HSF2BP: variants seen among roughly 807,000 people sequenced by gnomAD.
The protein encoded by HSF2BP is heat shock transcription factor 2 binding protein.
A neutral mutation model predicts 35.0 loss-of-function variants in HSF2BP; 35 were observed. The observed-to-expected ratio is 1.00, with a 90% CI of 0.76 to 1.32. HSF2BP has a LOEUF of 1.32. Among genes scored for constraint, HSF2BP ranks in the 40% most tolerant of loss-of-function variants. The probability of loss-of-function intolerance (pLI) is 0.00; values close to 1 mark genes in which losing one functional copy is unlikely to be tolerated. For synonymous variants in HSF2BP, 114 were observed against 117.4 expected (o/e 0.97, Z 0.18); for missense variants, 326 against 321.7 (o/e 1.01, Z -0.10).
chr21:43,574,061 A>G (rs1252856277), intron 8 of HSF2BP, among the ~76,000 whole-genome samples: 3 of 152,156 alleles, frequency 2.0e-5, no homozygotes, highest in Non-Finnish European at 4.4e-5. Flanking sequence ...GCAGCCTTTC[A>G]TGACCAAGAC....
chr21:43,600,827 G>A (rs986488459), intron 7 of HSF2BP, among the ~76,000 whole-genome samples: 1 of 152,224 alleles, frequency 6.6e-6, no homozygotes, highest in African/African-American at 2.4e-5. Context: ...TCAGGGAGGT[G>A]TAACCACAGC....
intron 6 of HSF2BP, among the ~76,000 whole-genome samples, chr21:43,616,691 T>C (rs2082275068): frequency 6.6e-6 from 1 of 152,036 alleles, no homozygotes; most frequent in Admixed American, 6.6e-5. Flanking sequence ...CCCAGCACTT[T>C]GGGAGGCCGA....
At chr21:43,616,944 A>G (rs1447905563) in intron 6 of HSF2BP, among the ~76,000 whole-genome samples, 1 of 151,968 alleles carries the variant, frequency 6.6e-6, no homozygotes, top group Non-Finnish European at 1.5e-5. Context: ...AAAAAAAGAA[A>G]AAAGGAAAAA....
intron 7 of HSF2BP, among the ~76,000 whole-genome samples, chr21:43,601,386 A>G (rs1433670460): frequency 6.6e-6 from 1 of 152,194 alleles, no homozygotes; most frequent in Non-Finnish European, 1.5e-5. Context: ...TACTATGGAG[A>G]GCAAGAATCT....
intron 6 of HSF2BP, 63 bp from the exon 7 acceptor site, chr21:43,614,010 G>T: frequency 2.6e-6 from 3 of 1,163,148 alleles, no homozygotes; most frequent in Non-Finnish European, 3.8e-6. Flanking sequence ...ACAATTTTGT[G>T]CAGAACAGAG....
At chr21:43,637,926 T>C (rs75907183) in intron 4 of HSF2BP, among the ~76,000 whole-genome samples, 4,799 of 152,272 alleles carry the variant, frequency 0.032, 259 homozygotes, top group African/African-American at 0.11. Context: ...CGCTGAAAGA[T>C]TGAATACTTT....
chr21:43,600,090 C>T (rs2082034235), intron 7 of HSF2BP, among the ~76,000 whole-genome samples: 1 of 152,138 alleles, frequency 6.6e-6, no homozygotes, highest in East Asian at 1.9e-4. Flanking sequence ...AACTCATCTT[C>T]GATAAAAAGC....
intron 5 of HSF2BP, among the ~76,000 whole-genome samples, chr21:43,632,343 T>C (rs1313507692): frequency 7.4e-5 from 3 of 40,416 alleles, no homozygotes; most frequent in African/African-American, 1.0e-4. Flanking sequence ...CACACACACA[T>C]GCTCCCATAC....
Position 43,585,296 on chromosome 21 carries a change from CA to C in HSF2BP, c.796+6928del, listed in dbSNP as rs558287699. Among the ~76,000 whole-genome samples, 389 of 152,240 alleles carry C rather than the reference CA, an allele frequency of 2.6e-3. 2 individuals carry two copies. Among genetic ancestry groups the C allele is most frequent in the Non-Finnish European group, 4.3e-3 (291 of 68,024 alleles). On this transcript the variant is annotated intron_variant, in intron 8 of 8. Coordinates refer to ENST00000291560, the MANE Select transcript of HSF2BP (RefSeq NM_007031.2). Reference sequence around the variant, plus strand: ...CTACAGTCCAGCCTAGGTGACACTGCAAGACACTGTATCAAATAAGTAAGTA... The same window carrying C: ...CTACAGTCCAGCCTAGGTGACACTGCAGACACTGTATCAAATAAGTAAGTA...
intron 6 of HSF2BP, among the ~76,000 whole-genome samples, chr21:43,618,506 A>T (rs1210727192): frequency 6.6e-6 from 1 of 152,204 alleles, no homozygotes; most frequent in East Asian, 1.9e-4. Flanking sequence ...AAATCAATGG[A>T]GAAATGATAA....
intron 7 of HSF2BP, among the ~76,000 whole-genome samples, chr21:43,606,685 T>G (rs1438158272): frequency 6.6e-6 from 1 of 152,076 alleles, no homozygotes; most frequent in African/African-American, 2.4e-5. Context: ...CCTAAACATG[T>G]TCAAGTCATT....
At chr21:43,574,036 T>G (rs990381436) in intron 8 of HSF2BP, among the ~76,000 whole-genome samples, 1 of 151,948 alleles carries the variant, frequency 6.6e-6, no homozygotes, top group African/African-American at 2.4e-5. Context: ...CCTCTGTGAG[T>G]GAGCAGGGCC....
At chr21:43,653,228 G>A (rs2082818981) in intron 3 of HSF2BP, among the ~76,000 whole-genome samples, 1 of 119,468 alleles carries the variant, frequency 8.4e-6, no homozygotes, top group South Asian at 3.7e-4. Flanking sequence ...GAAGGGAAGG[G>A]AAGGGGAAGG....
intron 7 of HSF2BP, among the ~76,000 whole-genome samples, chr21:43,609,532 C>T (rs1027150980): frequency 2.0e-5 from 3 of 152,060 alleles, no homozygotes; most frequent in African/African-American, 7.2e-5. Context: ...GACCTTCGAT[C>T]ATGAAAGTGG....
At chr21:43,595,787 C>T (rs2081979531) in intron 7 of HSF2BP, among the ~76,000 whole-genome samples, 1 of 108,342 alleles carries the variant, frequency 9.2e-6, no homozygotes, top group African/African-American at 3.6e-5. Flanking sequence ...TGCAGTGGCG[C>T]CATCTCGGCT....
intron 7 of HSF2BP, 35 bp downstream of exon 7, chr21:43,613,795 A>T: frequency 7.3e-7 from 1 of 1,371,804 alleles, no homozygotes; most frequent in Non-Finnish European, 1.0e-6. Flanking sequence ...ATTAATATGT[A>T]AATAGAATTA....
Position 43,656,657 on chromosome 21 carries a change from C to T in HSF2BP, c.117G>A (p.Arg39=). The stretch of plus-strand genomic sequence containing the variant: ...CATTTAGTATTCTGGGTAAGAAGTC[C>T]CGTATTTGCATCACTTCAGTTGTCA... ...ERLTTEVMQI[R]DFLPRILNGE... Residue 39 remains arginine (R), a synonymous_variant, in exon 3 of 9, where the codon CGG becomes CGA. Coordinates refer to ENST00000291560, the MANE Select transcript of HSF2BP (RefSeq NM_007031.2). 6.2e-7 allele frequency: 1 copy of T among 1,613,928 alleles called. No individual in the cohort carries two copies. The highest frequency in any genetic ancestry group is 8.5e-7 in the Non-Finnish European group (1 of 1,179,876).
At chr21:43,645,289 T>C (rs78986188) in intron 3 of HSF2BP, among the ~76,000 whole-genome samples, 6,224 of 152,232 alleles carry the variant, frequency 0.041, 436 homozygotes, top group African/African-American at 0.14. Context: ...TCGGCTGGGT[T>C]CCATCCACAG....
intron 3 of HSF2BP, among the ~76,000 whole-genome samples, 154 bp from the exon 4 acceptor site, chr21:43,644,546 C>G (rs1418306450): frequency 6.6e-6 from 1 of 152,174 alleles, no homozygotes; most frequent in African/African-American, 2.4e-5. Flanking sequence ...CTTGAATAAC[C>G]AATATTCTAA....
Sources: gnomAD v4.1 joint callset for allele counts (sites outside exome capture counted in the v4.1 genomes callset) on GRCh38, gnomAD v4.1.1 for gene constraint, MANE v1.5 for transcripts, NCBI Gene and HGNC (gene_info 2026-07-23, HGNC 2026-07-21) for gene names.